Variants in TDRD3 observed in about 807,000 individuals in gnomAD.
TDRD3 encodes tudor domain-containing protein 3.
A neutral mutation model predicts 86.7 loss-of-function variants in TDRD3; 45 were observed. That is an observed-to-expected ratio of 0.52 (90% CI 0.41 to 0.67). TDRD3 has a LOEUF of 0.67. Among genes scored for constraint, TDRD3 ranks in the 30% least tolerant of loss-of-function variants. The pLI is 0.00. For missense variants in TDRD3, 814 were observed against 889.0 expected (o/e 0.92, Z 1.07); for synonymous variants, 298 against 301.7 (o/e 0.99, Z 0.13).
intron 12 of TDRD3, chr13:60,547,425 C>T (rs1343914482): frequency 5.1e-6 from 5 of 985,112 alleles, no homozygotes; most frequent in African/African-American, 3.5e-5. Context: ...GCTGGAAATG[C>T]ACAGGAGGAG....
chr13:60,407,628 TTGA>T (rs1954265719), intron 1 of TDRD3, among the ~76,000 whole-genome samples: 1 of 152,224 alleles, frequency 6.6e-6, no homozygotes, highest in Non-Finnish European at 1.5e-5. Context: ...TTGAAATATG[TTGA>T]TAACATTTCT....
chr13:60,430,602 T>C (rs1394201226), intron 1 of TDRD3, among the ~76,000 whole-genome samples: 2 of 152,112 alleles, frequency 1.3e-5, no homozygotes, highest in African/African-American at 4.8e-5. Context: ...TACTTTTAAA[T>C]TTATGTGGAG....
At chr13:60,509,095 G>C (rs1356126240) in intron 8 of TDRD3, among the ~76,000 whole-genome samples, 1 of 152,150 alleles carries the variant, frequency 6.6e-6, no homozygotes, top group Non-Finnish European at 1.5e-5. Context: ...AAAAGTTAAA[G>C]TTTTGTTTTT....
intron 3 of TDRD3, among the ~76,000 whole-genome samples, chr13:60,455,691 G>A (rs985450272): frequency 3.3e-5 from 5 of 152,128 alleles, no homozygotes; most frequent in Non-Finnish European, 7.4e-5. Flanking sequence ...TGTATGGTTT[G>A]TTTCTAGGGT....
intron 1 of TDRD3, 51 bp from the exon 2 acceptor site, chr13:60,439,637 T>C: frequency 7.1e-7 from 1 of 1,398,882 alleles, no homozygotes; most frequent in South Asian, 1.3e-5. Flanking sequence ...TTAAGAATTT[T>C]GGTTAATTTT....
chr13:60,482,826 A>G (rs1196405456), intron 5 of TDRD3, among the ~76,000 whole-genome samples: 1 of 151,280 alleles, frequency 6.6e-6, no homozygotes, highest in Non-Finnish European at 1.5e-5. Context: ...TTGAAAGTGC[A>G]CATGGTGGTT....
At chr13:60,463,157 G>A (rs143022503) in intron 4 of TDRD3, among the ~76,000 whole-genome samples, 339 of 152,198 alleles carry the variant, frequency 2.2e-3, no homozygotes, top group African/African-American at 7.6e-3. Context: ...AGCACTTTGG[G>A]AAGTCAAGGC....
chr13:60,429,787 A>C (rs1333435469), intron 1 of TDRD3, among the ~76,000 whole-genome samples: 2 of 152,002 alleles, frequency 1.3e-5, no homozygotes, highest in African/African-American at 2.4e-5. Context: ...CCTTTGAAGA[A>C]ATTCCCTTTA....
In TDRD3 at chr13:60,439,880, T is replaced by C. The variant is rs1008410470; in HGVS notation, c.126+108T>C. ...TGATAACAAATATAGAGAACATCTT[T>C]CTTATTTTGTCCATTTTAAGTTGTA... On this transcript the variant is annotated intron_variant, in intron 2 of 13. Transcript: ENST00000377881. 8 of 640,014 alleles carry C rather than the reference T, an allele frequency of 1.2e-5. 1 individual carries two copies. The highest frequency in any genetic ancestry group is 1.5e-5 in the Non-Finnish European group (6 of 404,448). The allele number at this position is 640,014 out of a possible 1,614,324, so 39.6% of individuals were successfully genotyped here.
intron 1 of TDRD3, among the ~76,000 whole-genome samples, chr13:60,410,216 A>G (rs1229082987): frequency 1.3e-5 from 2 of 152,144 alleles, no homozygotes; most frequent in African/African-American, 4.8e-5. Context: ...TGCCTTTATC[A>G]GTAGCATGAA....
chr13:60,500,381 G>A (rs1011910856), intron 8 of TDRD3, among the ~76,000 whole-genome samples: 2 of 152,130 alleles, frequency 1.3e-5, no homozygotes, highest in African/African-American at 4.8e-5. Flanking sequence ...CTCCAATCCT[G>A]CCACCCTGCC....
chr13:60,492,679 AT>A (rs923131189), intron 7 of TDRD3, among the ~76,000 whole-genome samples: 54 of 147,620 alleles, frequency 3.7e-4, no homozygotes, highest in Middle Eastern at 3.5e-3. Flanking sequence ...CATTTCAAAT[AT>A]TTTTTTTTTT....
chr13:60,487,896 T>A (rs531242773), intron 7 of TDRD3, among the ~76,000 whole-genome samples: 4 of 152,218 alleles, frequency 2.6e-5, no homozygotes, highest in African/African-American at 9.6e-5. Context: ...CAACAGTACA[T>A]AAGAGTTCTT....
chr13:60,412,399 TA>T, intron 1 of TDRD3, among the ~76,000 whole-genome samples: 1 of 152,206 alleles, frequency 6.6e-6, no homozygotes, highest in Admixed American at 6.5e-5. Flanking sequence ...TGATATCACT[TA>T]TTTTTAGTGA....
intron 10 of TDRD3, 47 bp downstream of exon 10, chr13:60,510,802 C>CTTTTTTTTTTTTTTTTTTTTT: frequency 8.3e-7 from 1 of 1,204,024 alleles, no homozygotes; most frequent in Non-Finnish European, 1.1e-6. Flanking sequence ...TCTTTTCTTT[C>CTTTTTTTTTTTTTTTTTTTTT]TTTTTTTTTT....
intron 1 of TDRD3, among the ~76,000 whole-genome samples, chr13:60,401,881 G>T (rs1954112126): frequency 6.6e-6 from 1 of 152,130 alleles, no homozygotes; most frequent in Admixed American, 6.5e-5. Context: ...AAAGCCTACA[G>T]CTTATTAAGG....
chr13:60,411,292 T>C lies in TDRD3; in HGVS notation c.41+13887T>C, dbSNP rs573925388. The stretch of plus-strand genomic sequence containing the variant: ...GAAAAGAGTGCAGTGTAGTGGTATA[T>C]ACTTTTACAGTTACAGGGTAATGAG... On this transcript the variant is annotated intron_variant, in intron 1 of 13. Coordinates refer to ENST00000377881, the MANE Select transcript of TDRD3 (RefSeq NM_001146070.2). Among the ~76,000 whole-genome samples, 56 of 152,366 alleles carry C rather than the reference T, an allele frequency of 3.7e-4. No individual in the cohort carries two copies. In the South Asian group the frequency reaches 0.012, roughly 32 times the overall value.
At chr13:60,459,964 TA>T (rs1045733102) in intron 3 of TDRD3, among the ~76,000 whole-genome samples, 1 of 152,106 alleles carries the variant, frequency 6.6e-6, no homozygotes, top group African/African-American at 2.4e-5. Context: ...TTGATTCACT[TA>T]AAAAAACTGC....
intron 1 of TDRD3, among the ~76,000 whole-genome samples, chr13:60,410,788 G>A (rs1411663285): frequency 6.6e-6 from 1 of 152,176 alleles, no homozygotes; most frequent in Non-Finnish European, 1.5e-5. Flanking sequence ...AGAGCTGGAT[G>A]TACGTTTTCC....
Sources: gnomAD v4.1 joint callset for allele counts (sites outside exome capture counted in the v4.1 genomes callset) on GRCh38, gnomAD v4.1.1 for gene constraint, MANE v1.5 for transcripts, NCBI Gene and HGNC (gene_info 2026-07-23, HGNC 2026-07-21) for gene names.